Variants in TRIM5 observed in about 807,000 individuals in gnomAD.
The protein encoded by TRIM5 is tripartite motif containing 5, also known as tripartite motif-containing protein 5.
Under a neutral mutation model 35.6 loss-of-function variants are expected in TRIM5, and 31 were observed. The observed-to-expected ratio is 0.87, with a 90% CI of 0.65 to 1.18. The LOEUF (loss-of-function observed/expected upper bound fraction) is 1.18. TRIM5 is among the 50% of genes most tolerant of loss of function. The pLI, the probability that TRIM5 is intolerant of heterozygous loss-of-function variation, is 0.00. For synonymous variants in TRIM5, 243 were observed against 215.6 expected (o/e 1.13, Z -1.11); for missense variants, 609 against 591.6 (o/e 1.03, Z -0.31).
the TRIM5 span, chr11:5,644,215 C>T: frequency 7.5e-6 from 3 of 398,900 alleles, no homozygotes; most frequent in Non-Finnish European, 1.3e-5. Context: ...TGAGCTCAAA[C>T]CTTGCCTGTT....
the TRIM5 span, chr11:5,604,926 T>G: frequency 4.6e-6 from 2 of 436,262 alleles, no homozygotes; most frequent in East Asian, 9.1e-5. Flanking sequence ...GCTTTTCCCT[T>G]GCATTCAGAG....
the TRIM5 span, chr11:5,634,725 T>G: frequency 6.2e-6 from 10 of 1,614,008 alleles, no homozygotes. Flanking sequence ...CTGCAAAGAT[T>G]GGAAGAAGAA....
the TRIM5 span, chr11:5,590,564 G>C: frequency 6.6e-6 from 1 of 152,188 alleles, no homozygotes; most frequent in African/African-American, 2.4e-5. Context: ...TGATGGGGAC[G>C]TGGAGAAGCT....
the TRIM5 span, among the ~76,000 whole-genome samples, chr11:5,646,099 TTATA>T: frequency 9.4e-3 from 1,403 of 149,368 alleles, 10 homozygotes; most frequent in Non-Finnish European, 0.017. Context: ...TACATGTATA[TTATA>T]TAAATATACA....
At chr11:5,639,891 A>G in the TRIM5 span, among the ~76,000 whole-genome samples, 1 of 152,096 alleles carries the variant, frequency 6.6e-6, no homozygotes, top group Non-Finnish European at 1.5e-5. Flanking sequence ...AGATTTTGGC[A>G]CAGGTATACA....
chr11:5,673,417 C>A (rs538364633), intron 4 of TRIM5, among the ~76,000 whole-genome samples: 3 of 151,974 alleles, frequency 2.0e-5, no homozygotes, highest in African/African-American at 7.2e-5. Flanking sequence ...AACAGGGCTT[C>A]AAAATACTGA....
the TRIM5 span, among the ~76,000 whole-genome samples, chr11:5,640,075 T>A: frequency 6.6e-6 from 1 of 152,236 alleles, no homozygotes; most frequent in Non-Finnish European, 1.5e-5. Context: ...CTAAATCTTA[T>A]TCATTCTATC....
chr11:5,660,556 G>C (rs932969559), downstream of TRIM5, among the ~76,000 whole-genome samples: 2 of 152,092 alleles, frequency 1.3e-5, no homozygotes, highest in African/African-American at 4.8e-5. Flanking sequence ...TTCATTAATG[G>C]AAATAGAACC....
At chr11:5,647,737 G>T in the TRIM5 span, among the ~76,000 whole-genome samples, 3 of 152,092 alleles carry the variant, frequency 2.0e-5, no homozygotes, top group Admixed American at 6.6e-5. Context: ...TGGCCAGGCT[G>T]GTTTTGAACT....
At chr11:5,670,326 C>T (rs556874742) in intron 4 of TRIM5, among the ~76,000 whole-genome samples, 10 of 146,712 alleles carry the variant, frequency 6.8e-5, no homozygotes, top group Admixed American at 2.8e-4. Flanking sequence ...TACAGGCTCC[C>T]ACCACCACAC....
the TRIM5 span, among the ~76,000 whole-genome samples, chr11:5,630,817 G>T: frequency 2.0e-5 from 3 of 152,220 alleles, no homozygotes; most frequent in East Asian, 5.8e-4. Flanking sequence ...ATCTTCTTAG[G>T]TGACTGTTTA....
the TRIM5 span, among the ~76,000 whole-genome samples, chr11:5,636,681 C>T: frequency 6.6e-6 from 1 of 152,132 alleles, no homozygotes; most frequent in African/African-American, 2.4e-5. Context: ...GTCTTAGTTG[C>T]TATTTGGTCA....
intron 7 of TRIM5, 77 bp from the exon 8 acceptor site, chr11:5,665,472 CTT>C: frequency 6.5e-7 from 1 of 1,542,754 alleles, no homozygotes; most frequent in South Asian, 1.3e-5. Context: ...TTGATAAAGA[CTT>C]GAGAGAAAAC....
At chr11:5,682,385 G>A (rs908264274) in intron 1 of TRIM5, among the ~76,000 whole-genome samples, 90 of 152,078 alleles carry the variant, frequency 5.9e-4, no homozygotes, top group Non-Finnish European at 1.2e-4. Flanking sequence ...AGAGGGAGGA[G>A]CAAGGTTAAT....
the TRIM5 span, among the ~76,000 whole-genome samples, chr11:5,599,474 A>G: frequency 6.6e-6 from 1 of 151,792 alleles, no homozygotes; most frequent in African/African-American, 2.4e-5. Context: ...CACGATCTCG[A>G]CTCACTGCAA....
the TRIM5 span, among the ~76,000 whole-genome samples, chr11:5,617,935 C>A: frequency 1.6e-3 from 248 of 152,032 alleles, no homozygotes; most frequent in Middle Eastern, 0.01. Flanking sequence ...ACCTACAAAA[C>A]AGGGCAGCAA....
At chr11:5,597,049 C>A in the TRIM5 span, 2 of 1,439,876 alleles carry the variant, frequency 1.4e-6, no homozygotes, top group African/African-American at 1.5e-5. Flanking sequence ...CTGCAAATGA[C>A]CCCACTGAGG....
In TRIM5 at chr11:5,663,706, C is replaced by A. The variant is rs1197865802; in HGVS notation, c.*1103G>T. 2 of 446,508 alleles carry A rather than the reference C, an allele frequency of 4.5e-6. No individual in the cohort carries two copies. 27.7% of individuals were successfully genotyped at this position (446,508 alleles called of 1,614,324 possible). A position where few individuals can be genotyped will look rare whatever the true frequency, so the allele number is the denominator to read the frequency against. On this transcript the variant is annotated 3_prime_UTR_variant, in exon 8 of 8. Transcript: ENST00000380034. ...GATGTTTTGATACATGTATACATTG[C>A]GTAATAACCGAACCAGGGTAATTAG...
the TRIM5 span, among the ~76,000 whole-genome samples, chr11:5,616,217 C>T: frequency 6.8e-6 from 1 of 147,010 alleles, no homozygotes; most frequent in South Asian, 2.2e-4. Flanking sequence ...TCCCAAAGTG[C>T]TGGGATTACA....
Sources: allele counts gnomAD v4.1 joint callset (sites outside exome capture counted in the v4.1 genomes callset), GRCh38; gene constraint gnomAD v4.1.1; transcripts MANE v1.5; gene names NCBI Gene and HGNC (gene_info 2026-07-23, HGNC 2026-07-21).